MYLK4: variants seen among roughly 807,000 people sequenced by gnomAD.
The protein encoded by MYLK4 is caMLCK like.
A neutral mutation model predicts 48.1 loss-of-function variants in MYLK4; 46 were observed. The observed-to-expected ratio is 0.96, with a 90% confidence interval of 0.75 to 1.22. The LOEUF (loss-of-function observed/expected upper bound fraction) is 1.22. Ranked by LOEUF, MYLK4 falls within the 50% of genes most tolerant of loss-of-function variation. MYLK4 has a pLI of 0.00. For missense variants in MYLK4, 451 were observed against 486.1 expected (o/e 0.93, Z 0.68); for synonymous variants, 170 against 180.8 (o/e 0.94, Z 0.48).
rs191385783 is a variant in MYLK4 at position 2,748,755 on chromosome 6, C to T, written c.159+381G>A. On this transcript the variant is annotated intron_variant, in intron 2 of 12. Transcript: ENST00000274643. ...CACTATCAACAGCTCTGCTGTCTAC[C>T]GCGTGAGGAACTCAAGATCTGAAGG... Among the ~76,000 whole-genome samples the T allele has an allele frequency of 4.8e-3, 730 of 152,314 alleles. 1 individual carries two copies. The highest frequency in any genetic ancestry group is 8.1e-3 in the Non-Finnish European group (554 of 68,022).
chr6:2,765,720 A>G, the MYLK4 span: 1 of 1,541,204 alleles, frequency 6.5e-7, no homozygotes, highest in Non-Finnish European at 8.7e-7. Flanking sequence ...GCGCACATCA[A>G]CTCGCACCTG....
chr6:2,761,912 G>T, the MYLK4 span, among the ~76,000 whole-genome samples: 1 of 152,090 alleles, frequency 6.6e-6, no homozygotes, highest in Non-Finnish European at 1.5e-5. Flanking sequence ...ATATACATTA[G>T]GTTTTGTTTT....
At chr6:2,743,747 A>C in intron 2 of MYLK4, 1 of 394,210 alleles carries the variant, frequency 2.5e-6, no homozygotes, top group Non-Finnish European at 4.5e-6. Context: ...GCCACATGCC[A>C]CTATTATTAC....
At chr6:2,682,579 G>A (rs1761351835) in intron 7 of MYLK4, among the ~76,000 whole-genome samples, 3 of 152,082 alleles carry the variant, frequency 2.0e-5, no homozygotes, top group Admixed American at 1.3e-4. Context: ...AGAAAAACAA[G>A]TCCCAAAGTC....
the MYLK4 span, chr6:2,768,912 G>A: frequency 3.2e-6 from 5 of 1,577,110 alleles, no homozygotes; most frequent in South Asian, 2.3e-5. Context: ...CCTTTTGGTC[G>A]TTGTGAACAT....
At chr6:2,701,475 T>A (rs1320152627) in intron 2 of MYLK4, among the ~76,000 whole-genome samples, 7 of 152,106 alleles carry the variant, frequency 4.6e-5, no homozygotes, top group Non-Finnish European at 4.4e-5. Context: ...AGGAGTAAAA[T>A]GCTTAACCTC....
intron 2 of MYLK4, among the ~76,000 whole-genome samples, chr6:2,736,599 A>T (rs1316588075): frequency 6.6e-6 from 1 of 152,254 alleles, no homozygotes; most frequent in Non-Finnish European, 1.5e-5. Flanking sequence ...ATAAGTCATT[A>T]TGTTATGGTG....
the MYLK4 span, among the ~76,000 whole-genome samples, chr6:2,767,200 A>T: frequency 6.6e-6 from 1 of 152,212 alleles, no homozygotes; most frequent in African/African-American, 2.4e-5. Context: ...TGAGTCTAGA[A>T]AGCATGTCAT....
At chr6:2,760,498 C>T in the MYLK4 span, among the ~76,000 whole-genome samples, 2 of 152,150 alleles carry the variant, frequency 1.3e-5, no homozygotes, top group Non-Finnish European at 2.9e-5. Context: ...AATTTCTAGC[C>T]CCTGAGATTG....
At chr6:2,723,072 G>T (rs1763128163) in intron 2 of MYLK4, among the ~76,000 whole-genome samples, 1 of 152,006 alleles carries the variant, frequency 6.6e-6, no homozygotes, top group Non-Finnish European at 1.5e-5. Context: ...GGGGAGGATT[G>T]CATGAGCTCA....
chr6:2,734,020 C>T lies in MYLK4; in HGVS notation c.159+15116G>A, dbSNP rs193177698. ...TCTAACGTGAGTGCCAAAGCCCAAACGGACCACAGACTCCAGACACTAGTG... is the reference window on the plus strand; with the variant it reads ...TCTAACGTGAGTGCCAAAGCCCAAATGGACCACAGACTCCAGACACTAGTG... On this transcript the variant is annotated intron_variant, in intron 2 of 12. Transcript: ENST00000274643. 3.4e-4 allele frequency among the ~76,000 whole-genome samples: 51 copies of T among 152,208 alleles called. 1 individual carries two copies. The highest frequency in any genetic ancestry group is 1.4e-3 in the Admixed American group (21 of 15,282).
At chr6:2,681,729 A>C (rs1242562050) in intron 7 of MYLK4, among the ~76,000 whole-genome samples, 1 of 152,190 alleles carries the variant, frequency 6.6e-6, no homozygotes, top group African/African-American at 2.4e-5. Context: ...CAGCTCCTTA[A>C]GGACCCATCC....
chr6:2,667,631 T>G lies in MYLK4; in HGVS notation c.*294A>C, dbSNP rs1311672339. 1 of 152,566 alleles carries G rather than the reference T, an allele frequency of 6.6e-6. No homozygotes were observed. Among genetic ancestry groups the G allele is most frequent in the Non-Finnish European group, 1.5e-5 (1 of 68,036 alleles). The allele number at this position is 152,566 out of a possible 1,614,324, so 9.5% of individuals were successfully genotyped here. On this transcript the variant is annotated 3_prime_UTR_variant, in exon 13 of 13. Transcript: ENST00000274643. The stretch of plus-strand genomic sequence containing the variant: ...GCCCCAGTGACTAAGATCAAAAAAT[T>G]TTTTTAAAAAAGTAAAAAATCTCAA...
chr6:2,714,716 G>A (rs893100194), intron 2 of MYLK4, among the ~76,000 whole-genome samples: 14 of 152,300 alleles, frequency 9.2e-5, no homozygotes, highest in Admixed American at 7.8e-4. Context: ...CCAAGTGTCC[G>A]CTGACAGCTG....
the MYLK4 span, among the ~76,000 whole-genome samples, chr6:2,756,672 C>A: frequency 3.3e-5 from 5 of 152,160 alleles, no homozygotes; most frequent in Non-Finnish European, 7.4e-5. Flanking sequence ...ACATATGTAA[C>A]CCCCTCCCAC....
Position 2,737,046 on chromosome 6 carries a change from A to G in MYLK4, c.159+12090T>C, listed in dbSNP as rs542497558. 1.2e-4 allele frequency among the ~76,000 whole-genome samples: 18 copies of G among 152,298 alleles called. No homozygotes were observed. In the East Asian group the frequency reaches 1.5e-3, roughly 13 times the overall value. On this transcript the variant is annotated intron_variant, in intron 2 of 12. Transcript: ENST00000274643. ...GTTGCTAAGTTCTTATGCACATCAA[A>G]TAATACACCTGTAATCCCAGCACTT...
chr6:2,677,329 C>T (rs1004009523), intron 10 of MYLK4, among the ~76,000 whole-genome samples: 1 of 152,166 alleles, frequency 6.6e-6, no homozygotes, highest in Admixed American at 6.5e-5. Flanking sequence ...ACCCACTGCC[C>T]ACACTGTTTC....
intron 7 of MYLK4, among the ~76,000 whole-genome samples, chr6:2,680,993 C>T (rs1247956875): frequency 6.6e-6 from 1 of 152,140 alleles, no homozygotes; most frequent in African/African-American, 2.4e-5. Context: ...GTAGTGCAGC[C>T]ACTCAGTGTT....
Position 2,675,118 on chromosome 6 carries a change from T to C in MYLK4, c.1048A>G (p.Ile350Val), listed in dbSNP as rs753747585. 7 of 1,613,690 alleles carry C rather than the reference T, an allele frequency of 4.3e-6. No individual in the cohort carries two copies. The South Asian group carries it at 7.7e-5, about 18-fold the overall frequency. ...TGCTTGAGAGCTTCGCTTGCACTTA[T>C]TCGCCAACTAGAAGGAAATTCAGAA... is the stretch of plus-strand genomic sequence containing the variant. The part of the protein sequence containing the change: ...KLLIKEKSWR[I>V]SASEALKHPW... Residue 350 changes from isoleucine (I) to valine (V), a missense_variant, in exon 11 of 13, where the codon ATA becomes GTA. Transcript: ENST00000274643.
Sources: allele counts gnomAD v4.1 joint callset (sites outside exome capture counted in the v4.1 genomes callset), GRCh38; gene constraint gnomAD v4.1.1; transcripts MANE v1.5; gene names NCBI Gene and HGNC (gene_info 2026-07-23, HGNC 2026-07-21).